Variants in TUBGCP4 observed in about 807,000 individuals in gnomAD.
TUBGCP4 encodes tubulin gamma complex component 4.
TUBGCP4 carries 54 observed loss-of-function variants against 91.6 expected under a neutral mutation model. That is an observed-to-expected ratio of 0.59 (90% CI 0.47 to 0.74). The LOEUF is 0.74. TUBGCP4 is among the 30% of genes least tolerant of loss of function. TUBGCP4 has a pLI of 0.00. For missense variants in TUBGCP4, 593 were observed against 800.9 expected (o/e 0.74, Z 3.13); for synonymous variants, 297 against 302.8 (o/e 0.98, Z 0.20).
At position 43,406,785 on chromosome 15, in the gene TUBGCP4, G is replaced by C. The variant is rs976095190; in HGVS notation, c.*1571G>C. ...CTTGTGCTTCCCATGTTTATCTTAC[G>C]GAAGGTCATTCCATCAAGCTTATGG... is the stretch of plus-strand genomic sequence containing the variant. On this transcript the variant is annotated 3_prime_UTR_variant, in exon 18 of 18. Coordinates refer to ENST00000564079, the MANE Select transcript of TUBGCP4 (RefSeq NM_014444.5). 110 of 351,868 alleles carry C rather than the reference G, an allele frequency of 3.1e-4. 2 individuals are homozygous for C. The highest frequency in any genetic ancestry group is 1.9e-4 in the South Asian group (8 of 42,284). 21.8% of individuals were successfully genotyped at this position (351,868 alleles called of 1,614,324 possible). A position where few individuals can be genotyped will look rare whatever the true frequency, so the allele number is the denominator to read the frequency against.
intron 9 of TUBGCP4, among the ~76,000 whole-genome samples, chr15:43,393,401 G>C (rs1157223922): frequency 6.6e-6 from 1 of 151,090 alleles, no homozygotes; most frequent in East Asian, 1.9e-4. Context: ...AGTAGAGATG[G>C]GGTTTCACCA....
intron 6 of TUBGCP4, among the ~76,000 whole-genome samples, chr15:43,380,895 CTG>C (rs1399099756): frequency 1.3e-5 from 2 of 152,322 alleles, no homozygotes; most frequent in South Asian, 2.1e-4. Flanking sequence ...TTTAAAAAAA[CTG>C]TGACATTCAT....
Position 43,408,761 on chromosome 15 carries a change from C to T in TUBGCP4, c.*3547C>T, listed in dbSNP as rs1356029870. 11 of 822,326 alleles carry T rather than the reference C, an allele frequency of 1.3e-5. 1 individual carries two copies. The South Asian group carries it at 1.4e-4, about 10-fold the overall frequency. The allele number at this position is 822,326 out of a possible 1,614,324, so 50.9% of individuals were successfully genotyped here. On this transcript the variant is annotated 3_prime_UTR_variant, in exon 18 of 18. Transcript: ENST00000564079. ...AATAAACTAGATAAACTCCTGAAGT[C>T]ATTTCAAACCCACTCAAATTTATCC...
intron 14 of TUBGCP4, among the ~76,000 whole-genome samples, chr15:43,401,035 C>T (rs1441904188): frequency 6.6e-6 from 1 of 152,130 alleles, no homozygotes; most frequent in Non-Finnish European, 1.5e-5. Context: ...AAAGAATCCT[C>T]ATCAACAATC....
chr15:43,409,047 G>A lies in TUBGCP4; in HGVS notation c.*3833G>A. 6.2e-7 allele frequency: 1 copy of A among 1,614,180 alleles called. No individual in the cohort carries two copies. The highest frequency in any genetic ancestry group is 8.5e-7 in the Non-Finnish European group (1 of 1,180,026). On this transcript the variant is annotated 3_prime_UTR_variant, in exon 18 of 18. Transcript: ENST00000564079. ...GGCAAGGCACAGGAAGTACTTCCGG[G>A]TTCGACAATGCTGATCCGCAATTAG... is the stretch of plus-strand genomic sequence containing the variant.
rs149437705 is a variant in TUBGCP4, at chr15:43,377,476, A to G, written c.385-371A>G. On this transcript the variant is annotated intron_variant, in intron 4 of 17. Transcript: ENST00000564079. ...TGTCTCTACTAAACATACAAAAATT[A>G]GTCGGTTGTGGTGGCGTGCACCTGT... is the stretch of plus-strand genomic sequence containing the variant. 8.8e-5 allele frequency: 26 copies of G among 295,418 alleles called. No homozygotes were observed. The East Asian group carries it at 2.1e-3, about 24-fold the overall frequency. The allele number at this position is 295,418 out of a possible 1,614,324, so 18.3% of individuals were successfully genotyped here.
chr15:43,387,791 G>C (rs1021115350), intron 9 of TUBGCP4, among the ~76,000 whole-genome samples: 1 of 151,960 alleles, frequency 6.6e-6, no homozygotes, highest in Non-Finnish European at 1.5e-5. Flanking sequence ...ACCTGCACTT[G>C]CACCAAGTCC....
Position 43,376,485 on chromosome 15 carries a change from CTGTT to C in TUBGCP4, c.208-11_208-8del, listed in dbSNP as rs1290094264. The C allele has an allele frequency of 6.2e-7, 1 of 1,614,178 alleles. No homozygotes were observed. The highest frequency in any genetic ancestry group is 8.5e-7 in the Non-Finnish European group (1 of 1,180,044). The stretch of plus-strand genomic sequence containing the variant: ...AGGGCCTGAGCTGAGAAGTTGGCTT[CTGTT>C]TGTTTGATTTCAGGATCACCATCCA... On this transcript the variant is annotated splice_polypyrimidine_tract_variant and intron_variant, in intron 2 of 17. Transcript: ENST00000564079.
At chr15:43,395,008 G>C in intron 9 of TUBGCP4, 99 bp from the exon 10 acceptor site, 1 of 1,310,160 alleles carries the variant, frequency 7.6e-7, no homozygotes, top group Non-Finnish European at 1.1e-6. Flanking sequence ...GCAAGGTATA[G>C]TCTTCTTTTA....
Position 43,398,198 on chromosome 15 carries a change from C to G in TUBGCP4, c.1418+19C>G, listed in dbSNP as rs1043704902. 1 of 1,604,210 alleles carries G rather than the reference C, an allele frequency of 6.2e-7. No homozygotes were observed. Among genetic ancestry groups the G allele is most frequent in the African/African-American group, 1.3e-5 (1 of 74,570 alleles). On this transcript the variant is annotated intron_variant, in intron 13 of 17. Transcript: ENST00000564079. ...TGGAAAAGTGAGTATTTCTGAGTTT[C>G]TCACAGGTAAATATGACCCACCTTA...
Position 43,405,258 on chromosome 15 carries a change from G to A in TUBGCP4, c.*44G>A. ...TTGAAATAACAGCCACGTTCCCAAGGTTGTAACAGAAGATTCAAAACATCC... is the reference window on the plus strand; with the variant it reads ...TTGAAATAACAGCCACGTTCCCAAGATTGTAACAGAAGATTCAAAACATCC... On this transcript the variant is annotated 3_prime_UTR_variant, in exon 18 of 18. Transcript: ENST00000564079. 1 of 1,609,906 alleles carries A rather than the reference G, an allele frequency of 6.2e-7. No individual in the cohort carries two copies. Among genetic ancestry groups the A allele is most frequent in the Non-Finnish European group, 8.5e-7 (1 of 1,176,280 alleles).
chr15:43,385,951 G>T lies in TUBGCP4; in HGVS notation c.884G>T (p.Arg295Ile). 1 of 1,613,832 alleles carries T rather than the reference G, an allele frequency of 6.2e-7. No individual in the cohort carries two copies. Among genetic ancestry groups the T allele is most frequent in the Non-Finnish European group, 8.5e-7 (1 of 1,179,934 alleles). ...MFENQNVNLT[R>I]KGSILKNQED... is the part of the protein sequence containing the mutation. ...GAGAATCAAAATGTGAACCTGACTA[G>T]AAAAGGTAGAAATCTCCTTGTCCAA... The change falls in exon 8 of 18, where the codon AGA becomes ATA. Residue 295 changes from arginine to isoleucine, a missense_variant. Arg to Ile is a moderately conservative substitution (Grantham distance 97, BLOSUM62 -3). Transcript: ENST00000564079.
chr15:43,374,969 C>T (rs556450618), intron 1 of TUBGCP4, among the ~76,000 whole-genome samples: 18 of 152,360 alleles, frequency 1.2e-4, no homozygotes, highest in Admixed American at 7.2e-4. Flanking sequence ...GTGGTGCAAT[C>T]TCAGCTCGCT....
chr15:43,404,914 G>A (rs1053241399), intron 17 of TUBGCP4: 4 of 503,634 alleles, frequency 7.9e-6, no homozygotes, highest in East Asian at 3.4e-5. Context: ...GAAAGGAGGC[G>A]ACCACCCCTT....
In TUBGCP4 at chr15:43,407,921, C is replaced by G; in HGVS notation, c.*2707C>G. 1 of 1,604,660 alleles carries G rather than the reference C, an allele frequency of 6.2e-7. No individual in the cohort carries two copies. ...TAAGGAGATCCCTGGAACAAAGACA[C>G]TACACACACTCTTTCAGGTACCTTT... On this transcript the variant is annotated 3_prime_UTR_variant, in exon 18 of 18. Transcript: ENST00000564079.
chr15:43,406,809 G>A lies in TUBGCP4; in HGVS notation c.*1595G>A, dbSNP rs1228668343. On this transcript the variant is annotated 3_prime_UTR_variant, in exon 18 of 18. Coordinates refer to ENST00000564079, the MANE Select transcript of TUBGCP4 (RefSeq NM_014444.5). The stretch of plus-strand genomic sequence containing the variant: ...CGGAAGGTCATTCCATCAAGCTTAT[G>A]GTCACTGTCCCTTCATGGCAGTTGG... 2.9e-6 allele frequency: 1 copy of A among 347,228 alleles called. No individual in the cohort carries two copies. The highest frequency in any genetic ancestry group is 5.6e-6 in the Non-Finnish European group (1 of 177,878). The allele number at this position is 347,228 out of a possible 1,614,324, so 21.5% of individuals were successfully genotyped here.
chr15:43,397,996 C>A, intron 12 of TUBGCP4, 45 bp from the exon 13 acceptor site: 1 of 1,577,944 alleles, frequency 6.3e-7, no homozygotes, highest in Non-Finnish European at 8.6e-7. Context: ...TCTAGATTAA[C>A]CAAGTTGTTA....
chr15:43,396,245 C>G (rs2044577708), intron 11 of TUBGCP4, among the ~76,000 whole-genome samples: 1 of 152,158 alleles, frequency 6.6e-6, no homozygotes, highest in Admixed American at 6.5e-5. Flanking sequence ...GAACTGAACC[C>G]AGTCCCTCTT....
chr15:43,372,609 A>G (rs1460012415), intron 1 of TUBGCP4, among the ~76,000 whole-genome samples: 1 of 135,958 alleles, frequency 7.4e-6, no homozygotes, highest in Non-Finnish European at 1.5e-5. Context: ...AACACAGTAC[A>G]GGAAAGATAG....
Sources: gnomAD v4.1 joint callset for allele counts (sites outside exome capture counted in the v4.1 genomes callset) on GRCh38, gnomAD v4.1.1 for gene constraint, MANE v1.5 for transcripts, NCBI Gene and HGNC (gene_info 2026-07-23, HGNC 2026-07-21) for gene names.